Variants in GUCY1A2 observed in about 807,000 individuals in gnomAD.
GUCY1A2 encodes guanylate cyclase soluble subunit alpha-2.
In GUCY1A2, 27 loss-of-function variants were observed where a neutral mutation model predicts 63.5. The ratio of observed to expected loss-of-function variants is 0.43; its 90% confidence interval spans 0.31 to 0.59. The LOEUF (loss-of-function observed/expected upper bound fraction) is 0.59. Among genes scored for constraint, GUCY1A2 ranks in the 20% least tolerant of loss-of-function variants. The pLI is 0.11. For synonymous variants in GUCY1A2, 364 were observed against 343.5 expected, an observed-to-expected ratio of 1.06 and a Z score of -0.66; for missense variants, 768 against 913.3, an observed-to-expected ratio of 0.84 and a Z score of 2.05.
At chr11:106,997,629 C>CAA (rs1491131511) in intron 1 of GUCY1A2, among the ~76,000 whole-genome samples, 1 of 140,526 alleles carries the variant, frequency 7.1e-6, no homozygotes, top group Non-Finnish European at 1.5e-5. Context: ...CCCCCCCCCC[C>CAA]ACCCGAGCAA....
chr11:106,732,142 G>T, intron 6 of GUCY1A2, among the ~76,000 whole-genome samples: 1 of 151,822 alleles, frequency 6.6e-6, no homozygotes, highest in East Asian at 1.9e-4. Flanking sequence ...ACCTGCTATA[G>T]CAACCAAAAC....
chr11:106,975,730 C>A (rs1861253560), intron 3 of GUCY1A2, among the ~76,000 whole-genome samples: 1 of 152,192 alleles, frequency 6.6e-6, no homozygotes. Context: ...ATTTTGATAT[C>A]TGGAAGCAGT....
At chr11:106,894,546 G>A (rs1860019519) in intron 4 of GUCY1A2, among the ~76,000 whole-genome samples, 1 of 152,050 alleles carries the variant, frequency 6.6e-6, no homozygotes, top group Non-Finnish European at 1.5e-5. Context: ...ACCACAATCT[G>A]GGCCATAAAA....
chr11:106,836,885 T>C (rs1303027255), intron 4 of GUCY1A2, among the ~76,000 whole-genome samples: 1 of 151,958 alleles, frequency 6.6e-6, no homozygotes, highest in Non-Finnish European at 1.5e-5. Context: ...TAGTGCCGGG[T>C]AGAGTCAGTG....
chr11:107,011,022 G>A (rs1189165542), intron 1 of GUCY1A2, among the ~76,000 whole-genome samples: 6 of 152,102 alleles, frequency 3.9e-5, no homozygotes, highest in East Asian at 1.9e-4. Flanking sequence ...CAACCACTGC[G>A]CCTGGCCCTC....
At chr11:106,820,807 T>C (rs1185607482) in intron 4 of GUCY1A2, among the ~76,000 whole-genome samples, 5 of 152,196 alleles carry the variant, frequency 3.3e-5, no homozygotes, top group African/African-American at 1.2e-4. Context: ...AACTCAAGGC[T>C]AATTATGCTA....
In GUCY1A2 at chr11:106,939,965, G is replaced by A. The variant is rs768398118; in HGVS notation, c.701C>T (p.Thr234Ile). The A allele has an allele frequency of 1.3e-5, 21 of 1,613,794 alleles. No homozygotes were observed. The highest frequency in any genetic ancestry group is 6.7e-5 in the Admixed American group (4 of 59,982). The part of the protein sequence containing the change: ...SFLCKELPEG[T>I]LMLHYFHPHH... ...AGGGTGGAAGTAGTGGAGCATGAGA[G>A]TACCTTCAGGGAGCTCTTTGCATAG... Residue 234 changes from threonine to isoleucine, a missense_variant, in exon 4 of 8, where the codon ACT becomes ATT. Transcript: ENST00000526355.
intron 4 of GUCY1A2, among the ~76,000 whole-genome samples, chr11:106,909,293 T>C (rs140297012): frequency 1.3e-5 from 2 of 151,458 alleles, no homozygotes. Context: ...TACTACAACA[T>C]TGGAAACAAT....
intron 4 of GUCY1A2, among the ~76,000 whole-genome samples, chr11:106,840,964 T>C (rs1859188951): frequency 6.6e-6 from 1 of 151,968 alleles, no homozygotes; most frequent in Non-Finnish European, 1.5e-5. Context: ...GAAGTCCAAA[T>C]TTTATATTCA....
intron 1 of GUCY1A2, among the ~76,000 whole-genome samples, chr11:106,992,765 A>G (rs2510595): frequency 0.36 from 54,279 of 152,112 alleles, 10,405 homozygotes; most frequent in East Asian, 0.51. Flanking sequence ...AATCAAAGCC[A>G]TATCAACAAG....
At chr11:106,840,413 GA>G (rs1859180688) in intron 4 of GUCY1A2, among the ~76,000 whole-genome samples, 1 of 151,934 alleles carries the variant, frequency 6.6e-6, no homozygotes, top group Non-Finnish European at 1.5e-5. Context: ...TCTAGCTCAA[GA>G]GGGACTCTGC....
At chr11:106,784,713 A>G (rs553175282) in intron 5 of GUCY1A2, among the ~76,000 whole-genome samples, 1 of 152,342 alleles carries the variant, frequency 6.6e-6, no homozygotes, top group South Asian at 2.1e-4. Context: ...CCTTGTAGTC[A>G]TTCAATATGA....
intron 4 of GUCY1A2, among the ~76,000 whole-genome samples, chr11:106,834,189 C>A (rs1859088147): frequency 6.6e-6 from 1 of 151,784 alleles, no homozygotes; most frequent in South Asian, 2.1e-4. Flanking sequence ...AAATGTGCAC[C>A]CTTTGACCAA....
chr11:106,778,608 C>T (rs1431967151), intron 5 of GUCY1A2, among the ~76,000 whole-genome samples: 4 of 151,678 alleles, frequency 2.6e-5, no homozygotes, highest in African/African-American at 9.7e-5. Context: ...TTGCAGTGAG[C>T]GGAGATCACG....
At chr11:106,709,280 A>C (rs1256466804) in intron 6 of GUCY1A2, among the ~76,000 whole-genome samples, 1 of 58,678 alleles carries the variant, frequency 1.7e-5, no homozygotes, top group Admixed American at 2.5e-4. Flanking sequence ...TATATATATA[A>C]ATTTATATAT....
At chr11:106,735,407 T>C (rs760487410) in intron 6 of GUCY1A2, among the ~76,000 whole-genome samples, 1 of 152,174 alleles carries the variant, frequency 6.6e-6, no homozygotes. Context: ...GTCATCCTTC[T>C]GAGCTGGGCT....
At chr11:106,863,004 C>A (rs879708233) in intron 4 of GUCY1A2, among the ~76,000 whole-genome samples, 4 of 152,028 alleles carry the variant, frequency 2.6e-5, no homozygotes, top group Admixed American at 6.6e-5. Context: ...ACAGAGGTGG[C>A]TGGGGCTGTC....
rs1477324459 is a variant in GUCY1A2 at position 106,713,614 on chromosome 11, C to T, written c.1837-4948G>A. Among the ~76,000 whole-genome samples the T allele has an allele frequency of 3.4e-5, 5 of 145,218 alleles. No homozygotes were observed. In the East Asian group the frequency reaches 1.1e-3, roughly 32 times the overall value. On this transcript the variant is annotated intron_variant, in intron 6 of 7. Coordinates refer to ENST00000526355, the MANE Select transcript of GUCY1A2 (RefSeq NM_000855.3). ...CTCCGTCTCCCGGGTTCACGCCATT[C>T]TCCTGCCTCAGCCTTCCGAGTAGCT...
chr11:106,904,361 A>G (rs1210220914), intron 4 of GUCY1A2, among the ~76,000 whole-genome samples: 1 of 152,140 alleles, frequency 6.6e-6, no homozygotes, highest in Non-Finnish European at 1.5e-5. Flanking sequence ...TGTAATTCCT[A>G]TAATGTTATC....
Sources: gnomAD v4.1 joint callset for allele counts (sites outside exome capture counted in the v4.1 genomes callset) on GRCh38, gnomAD v4.1.1 for gene constraint, MANE v1.5 for transcripts, NCBI Gene and HGNC (gene_info 2026-07-23, HGNC 2026-07-21) for gene names.